Variants in LRRC69 observed in about 807,000 individuals in gnomAD.
LRRC69 encodes the protein leucine rich repeat containing 69, also known as leucine-rich repeat-containing protein 69.
A neutral mutation model predicts 37.8 loss-of-function variants in LRRC69; 42 were observed. The ratio of observed to expected loss-of-function variants is 1.11; its 90% CI spans 0.87 to 1.44. LRRC69 has a LOEUF of 1.44. LRRC69 is among the 40% of genes most tolerant of loss of function. The pLI, the probability that LRRC69 is intolerant of heterozygous loss-of-function variation, is 0.00. For missense variants in LRRC69, 357 were observed against 401.9 expected (o/e 0.89, Z 0.96); for synonymous variants, 141 against 143.1 (o/e 0.99, Z 0.11).
chr8:91,210,691 AAG>A (rs375102213), intron 7 of LRRC69, among the ~76,000 whole-genome samples: 4 of 152,158 alleles, frequency 2.6e-5, no homozygotes, highest in South Asian at 2.1e-4. Flanking sequence ...TAAAAATTAA[AAG>A]AGAATACATT....
At chr8:91,173,281 T>G (rs1809166029) in intron 5 of LRRC69, among the ~76,000 whole-genome samples, 2 of 151,802 alleles carry the variant, frequency 1.3e-5, no homozygotes, top group Admixed American at 1.3e-4. Context: ...ACTACCTCTG[T>G]GTTTTGAATT....
chr8:91,143,829 C>T (rs1029351290), intron 5 of LRRC69, among the ~76,000 whole-genome samples: 4 of 151,832 alleles, frequency 2.6e-5, no homozygotes, highest in African/African-American at 9.7e-5. Flanking sequence ...AAATACAAAT[C>T]ATTTGAATAG....
At chr8:91,194,829 G>A (rs1171896818) in intron 6 of LRRC69, among the ~76,000 whole-genome samples, 4 of 151,960 alleles carry the variant, frequency 2.6e-5, no homozygotes, top group Non-Finnish European at 4.4e-5. Context: ...AGGGTTTTTT[G>A]TGTCTGTATT....
intron 5 of LRRC69, among the ~76,000 whole-genome samples, chr8:91,177,790 C>T (rs989095217): frequency 4.0e-5 from 6 of 151,734 alleles, no homozygotes; most frequent in Admixed American, 1.3e-4. Flanking sequence ...CTCTTTTTAT[C>T]TCAGTCTCTT....
chr8:91,104,486 C>A (rs941932412), intron 1 of LRRC69, among the ~76,000 whole-genome samples: 1 of 151,636 alleles, frequency 6.6e-6, no homozygotes, highest in Non-Finnish European at 1.5e-5. Flanking sequence ...CATTTTTGTT[C>A]CCTTGGAGTT....
In LRRC69 at chr8:91,208,829, C is replaced by T. The variant is rs79533100; in HGVS notation, c.933+8037C>T. On this transcript the variant is annotated intron_variant, in intron 7 of 7. Transcript: ENST00000448384. ...GATCTTCCTATCTAGATCGAAGCTCCGTGGTAGTGTCTACTTCCCATTGGT... is the reference window on the plus strand; with the variant it reads ...GATCTTCCTATCTAGATCGAAGCTCTGTGGTAGTGTCTACTTCCCATTGGT... Among the ~76,000 whole-genome samples the T allele has an allele frequency of 4.7e-3, 709 of 152,208 alleles. 5 individuals are homozygous for T. Among genetic ancestry groups the T allele is most frequent in the African/African-American group, 0.016 (677 of 41,508 alleles).
At chr8:91,157,042 G>T (rs1808848100) in intron 5 of LRRC69, among the ~76,000 whole-genome samples, 2 of 150,854 alleles carry the variant, frequency 1.3e-5, no homozygotes, top group South Asian at 2.1e-4. Flanking sequence ...TTTGAAGTCA[G>T]GTAGTTTGAT....
At chr8:91,147,868 C>T (rs1286500250) in intron 5 of LRRC69, among the ~76,000 whole-genome samples, 1 of 151,548 alleles carries the variant, frequency 6.6e-6, no homozygotes, top group African/African-American at 2.4e-5. Context: ...CCCACCTGGC[C>T]CCCCCAACAG....
At chr8:91,201,778 C>T (rs1031718164) in intron 7 of LRRC69, among the ~76,000 whole-genome samples, 8 of 152,078 alleles carry the variant, frequency 5.3e-5, no homozygotes, top group African/African-American at 1.9e-4. Flanking sequence ...TGAAAATTGT[C>T]ATCTAGTGAA....
intron 5 of LRRC69, among the ~76,000 whole-genome samples, chr8:91,166,168 C>G (rs1340157278): frequency 6.6e-6 from 1 of 151,790 alleles, no homozygotes; most frequent in Non-Finnish European, 1.5e-5. Context: ...ATGATACTGT[C>G]TACCATGAGG....
intron 5 of LRRC69, among the ~76,000 whole-genome samples, chr8:91,174,244 C>T (rs562743927): frequency 2.0e-5 from 3 of 152,042 alleles, no homozygotes; most frequent in Non-Finnish European, 4.4e-5. Context: ...TTTGTCTAGT[C>T]TACTATTAAG....
intron 7 of LRRC69, among the ~76,000 whole-genome samples, chr8:91,211,661 A>AT (rs1366071606): frequency 1.3e-5 from 2 of 148,334 alleles, no homozygotes; most frequent in Non-Finnish European, 3.0e-5. Context: ...TTTCTGTTAA[A>AT]TTTTTTTTAA....
chr8:91,206,929 A>G, intron 7 of LRRC69: 1 of 1,024,808 alleles, frequency 9.8e-7, no homozygotes, highest in Non-Finnish European at 1.3e-6. Context: ...CCTTAACCAG[A>G]GAGTCTGGGC....
intron 5 of LRRC69, among the ~76,000 whole-genome samples, chr8:91,152,333 A>C (rs754857228): frequency 6.6e-6 from 1 of 151,678 alleles, no homozygotes; most frequent in Non-Finnish European, 1.5e-5. Flanking sequence ...GTGCAGTTTC[A>C]GTTTTCCACA....
chr8:91,210,869 A>G (rs1256734667), intron 7 of LRRC69, among the ~76,000 whole-genome samples: 1 of 152,146 alleles, frequency 6.6e-6, no homozygotes, highest in African/African-American at 2.4e-5. Context: ...TTGAAAGAAG[A>G]CAATTTCAGA....
chr8:91,149,934 T>C (rs1275281181), intron 5 of LRRC69, among the ~76,000 whole-genome samples: 5 of 152,080 alleles, frequency 3.3e-5, no homozygotes, highest in Non-Finnish European at 7.3e-5. Context: ...ACATTGATTT[T>C]GTATCCTGAG....
intron 5 of LRRC69, among the ~76,000 whole-genome samples, chr8:91,168,201 A>C (rs867154624): frequency 2.0e-5 from 3 of 151,948 alleles, no homozygotes; most frequent in African/African-American, 7.2e-5. Flanking sequence ...CTGTGTCCTC[A>C]GTGCTTACGA....
intron 1 of LRRC69, among the ~76,000 whole-genome samples, chr8:91,116,214 G>T (rs1813508194): frequency 6.6e-6 from 1 of 151,738 alleles, no homozygotes; most frequent in South Asian, 2.1e-4. Context: ...TATTTTCCTG[G>T]GCCTAAAAGA....
intron 6 of LRRC69, among the ~76,000 whole-genome samples, chr8:91,192,566 T>C (rs1586276889): frequency 6.6e-6 from 1 of 151,906 alleles, no homozygotes; most frequent in Non-Finnish European, 1.5e-5. Context: ...TATCTCATTG[T>C]GGTTTTGATT....
Sources: gnomAD v4.1 joint callset for allele counts (sites outside exome capture counted in the v4.1 genomes callset) on GRCh38, gnomAD v4.1.1 for gene constraint, MANE v1.5 for transcripts, NCBI Gene and HGNC (gene_info 2026-07-23, HGNC 2026-07-21) for gene names.